Variants in ME1 observed in about 807,000 individuals in gnomAD.
ME1 encodes the protein malic enzyme 1.
Under a neutral mutation model 66.4 loss-of-function variants are expected in ME1, and 74 were observed. The observed-to-expected ratio is 1.11, with a 90% confidence interval of 0.92 to 1.35. The LOEUF (loss-of-function observed/expected upper bound fraction) is 1.35, where lower values mean the gene tolerates loss of function less well. ME1 is among the 40% of genes most tolerant of loss of function. ME1 has a pLI of 0.00. For missense variants in ME1, 750 were observed against 694.1 expected, an observed-to-expected ratio of 1.08 and a Z score of -0.90; for synonymous variants, 251 against 235.6, an observed-to-expected ratio of 1.07 and a Z score of -0.60.
intron 6 of ME1, among the ~76,000 whole-genome samples, chr6:83,286,968 T>C (rs2128534103): frequency 6.6e-6 from 1 of 152,298 alleles, no homozygotes; most frequent in South Asian, 2.1e-4. Flanking sequence ...ATGATATTAT[T>C]AAGCACTTAC....
rs566277900 is a variant in ME1, at chr6:83,269,242, ATGTT to A, written c.705-15508_705-15505del. On this transcript the variant is annotated intron_variant, in intron 6 of 13. Coordinates refer to ENST00000369705, the MANE Select transcript of ME1 (RefSeq NM_002395.6). ...TCTAAATCTTGTTCCTCTATCATTT[ATGTT>A]TGTTTTTTTTCTATAATAAACTGTA... 1.3e-3 allele frequency among the ~76,000 whole-genome samples: 199 copies of A among 151,746 alleles called. 1 individual carries two copies. The highest frequency in any genetic ancestry group is 4.6e-3 in the African/African-American group (192 of 41,314).
At chr6:83,309,110 T>C (rs1767882630) in intron 6 of ME1, among the ~76,000 whole-genome samples, 1 of 152,180 alleles carries the variant, frequency 6.6e-6, no homozygotes, top group Non-Finnish European at 1.5e-5. Context: ...CAGGGCCTTT[T>C]ACACTATTGC....
chr6:83,356,461 G>C (rs1260991779), intron 3 of ME1, among the ~76,000 whole-genome samples: 1 of 152,152 alleles, frequency 6.6e-6, no homozygotes, highest in Non-Finnish European at 1.5e-5. Flanking sequence ...CTAGGATAAA[G>C]ATGCAAATTT....
Position 83,244,555 on chromosome 6 carries a change from T to C in ME1, c.815-4919A>G, listed in dbSNP as rs544077749. 1.2e-3 allele frequency among the ~76,000 whole-genome samples: 190 copies of C among 152,224 alleles called. 1 individual carries two copies. Among genetic ancestry groups the C allele is most frequent in the African/African-American group, 4.4e-3 (181 of 41,544 alleles). ...AAATTCAGAGAATAGTGGTGGGTGA[T>C]GGTTTTGAGAAATTTGAGGCTGGGG... On this transcript the variant is annotated intron_variant, in intron 7 of 13. Coordinates refer to ENST00000369705, the MANE Select transcript of ME1 (RefSeq NM_002395.6).
At chr6:83,282,217 G>A (rs1038807325) in intron 6 of ME1, among the ~76,000 whole-genome samples, 2 of 152,116 alleles carry the variant, frequency 1.3e-5, no homozygotes, top group Non-Finnish European at 2.9e-5. Flanking sequence ...AAGAATTCAC[G>A]ACTAAAGCAC....
intron 6 of ME1, among the ~76,000 whole-genome samples, chr6:83,300,032 TG>T (rs1230342287): frequency 6.6e-6 from 1 of 152,214 alleles, no homozygotes; most frequent in East Asian, 1.9e-4. Flanking sequence ...TTCGCATCAA[TG>T]TTCATCAGGG....
intron 6 of ME1, among the ~76,000 whole-genome samples, chr6:83,313,636 T>G (rs1453074503): frequency 1.3e-5 from 2 of 152,194 alleles, no homozygotes; most frequent in Non-Finnish European, 2.9e-5. Flanking sequence ...TACGGTATTA[T>G]CTATACAATC....
At chr6:83,391,930 G>A (rs1769629355) in intron 3 of ME1, among the ~76,000 whole-genome samples, 1 of 152,122 alleles carries the variant, frequency 6.6e-6, no homozygotes, top group African/African-American at 2.4e-5. Context: ...TGACACTCCT[G>A]ATCCCCCTTT....
intron 9 of ME1, among the ~76,000 whole-genome samples, chr6:83,230,878 A>G (rs1480359836): frequency 6.6e-6 from 1 of 152,180 alleles, no homozygotes; most frequent in African/African-American, 2.4e-5. Context: ...GCTTGCAGTA[A>G]GCCAAGATCA....
intron 1 of ME1, among the ~76,000 whole-genome samples, chr6:83,420,662 G>C (rs1197152616): frequency 6.6e-6 from 1 of 152,202 alleles, no homozygotes; most frequent in Non-Finnish European, 1.5e-5. Context: ...TATCCCACAA[G>C]GTAGGATGTG....
chr6:83,343,347 C>A (rs891536557), intron 5 of ME1, among the ~76,000 whole-genome samples: 1 of 152,118 alleles, frequency 6.6e-6, no homozygotes, highest in Non-Finnish European at 1.5e-5. Context: ...ATTAAATCTA[C>A]CAAATGCAAT....
intron 2 of ME1, among the ~76,000 whole-genome samples, chr6:83,404,297 G>A (rs1299998449): frequency 1.3e-5 from 2 of 152,048 alleles, no homozygotes; most frequent in African/African-American, 2.4e-5. Context: ...CCGCATAAAT[G>A]TCTTCTTTTG....
At chr6:83,393,150 G>GA in intron 3 of ME1, 1 of 1,336,786 alleles carries the variant, frequency 7.5e-7, no homozygotes. Flanking sequence ...CTGCCGTCTG[G>GA]AAAAACCTAC....
At chr6:83,314,390 C>G (rs1358530809) in intron 6 of ME1, among the ~76,000 whole-genome samples, 3 of 152,032 alleles carry the variant, frequency 2.0e-5, no homozygotes, top group Non-Finnish European at 4.4e-5. Context: ...ATGTTTTATA[C>G]TGTTAAGGAT....
At position 83,406,971 on chromosome 6, in the gene ME1, TAC is replaced by T. The variant is rs59788379; in HGVS notation, c.212+795_212+796del. On this transcript the variant is annotated intron_variant, in intron 2 of 13. Transcript: ENST00000369705. ...CCATTTATATTTATATTTTCATTCATACACACACACACACACACACACACACA... is the reference window on the plus strand; with the variant it reads ...CCATTTATATTTATATTTTCATTCATACACACACACACACACACACACACA... Among the ~76,000 whole-genome samples the T allele has an allele frequency of 8.1e-3, 1,162 of 143,504 alleles. 7 individuals carry two copies. Among genetic ancestry groups the T allele is most frequent in the East Asian group, 0.012 (57 of 4,920 alleles). 94.1% of individuals were successfully genotyped at this position (143,504 alleles called of 152,430 possible).
At chr6:83,423,794 C>CA (rs1312379643) in intron 1 of ME1, among the ~76,000 whole-genome samples, 41 of 145,812 alleles carry the variant, frequency 2.8e-4, no homozygotes, top group Non-Finnish European at 4.5e-4. Flanking sequence ...GATTCTGTCT[C>CA]AAAAAAAAAT....
At chr6:83,344,324 T>G (rs1235466675) in intron 5 of ME1, among the ~76,000 whole-genome samples, 1 of 151,982 alleles carries the variant, frequency 6.6e-6, no homozygotes, top group Non-Finnish European at 1.5e-5. Flanking sequence ...CTAACATTTT[T>G]GCATGTCTGT....
In ME1 at chr6:83,257,255, A is replaced by G. The variant is rs576374789; in HGVS notation, c.705-3517T>C. On this transcript the variant is annotated intron_variant, in intron 6 of 13. Coordinates refer to ENST00000369705, the MANE Select transcript of ME1 (RefSeq NM_002395.6). ...TCTTTAGATAAATAAAAATCAAAAGACTTTTACTAAAGAAACTTCTAAAAG... is the reference window on the plus strand; with the variant it reads ...TCTTTAGATAAATAAAAATCAAAAGGCTTTTACTAAAGAAACTTCTAAAAG... Among the ~76,000 whole-genome samples the G allele has an allele frequency of 1.1e-4, 17 of 151,962 alleles. No homozygotes were observed. The South Asian group carries it at 3.5e-3, about 32-fold the overall frequency.
chr6:83,400,689 G>A (rs1769822185), intron 2 of ME1, among the ~76,000 whole-genome samples: 1 of 152,096 alleles, frequency 6.6e-6, no homozygotes, highest in South Asian at 2.1e-4. Context: ...CAACATTGCA[G>A]CCAGTCTTTC....
Sources: gnomAD v4.1 joint callset for allele counts (sites outside exome capture counted in the v4.1 genomes callset) on GRCh38, gnomAD v4.1.1 for gene constraint, MANE v1.5 for transcripts, NCBI Gene and HGNC (gene_info 2026-07-23, HGNC 2026-07-21) for gene names.